BPTF: variants seen among roughly 807,000 people sequenced by gnomAD.
The protein encoded by BPTF is nucleosome-remodeling factor subunit BPTF.
In BPTF, 18 loss-of-function variants were observed where a neutral mutation model predicts 292.5. The ratio of observed to expected loss-of-function variants is 0.06; its 90% CI spans 0.04 to 0.09. The LOEUF is 0.09. BPTF is among the 10% of genes least tolerant of loss of function. The pLI is 1.00. For synonymous variants in BPTF, 1,225 were observed against 1,251.9 expected, an observed-to-expected ratio of 0.98 and a Z score of 0.45; for missense variants, 2,726 against 3,498.7, an observed-to-expected ratio of 0.78 and a Z score of 5.57.
chr17:67,964,238 A>G lies in BPTF; in HGVS notation c.8288A>G (p.Gln2763Arg). The G allele has an allele frequency of 6.2e-7, 1 of 1,612,746 alleles. No individual in the cohort carries two copies. The highest frequency in any genetic ancestry group is 8.5e-7 in the Non-Finnish European group (1 of 1,178,830). Residue 2763 changes from glutamine to arginine, a missense_variant, in exon 25 of 28, where the codon CAG (glutamine) becomes CGG (arginine). Coordinates refer to ENST00000306378, the MANE Select transcript of BPTF (RefSeq NM_182641.4). ...SKFYIGCDRC[Q>R]NWYHGRCVGI... ...TTTTATATTGGCTGTGATCGGTGTC[A>G]GAATTGGTACCATGGGCGCTGCGTT...
chr17:67,954,650 A>G (rs2066749858), intron 23 of BPTF, among the ~76,000 whole-genome samples: 2 of 152,172 alleles, frequency 1.3e-5, no homozygotes, highest in Non-Finnish European at 2.9e-5. Context: ...GTTGTAACTT[A>G]TTTAAGCATG....
intron 26 of BPTF, chr17:67,973,987 G>A (rs1568225218): frequency 6.6e-6 from 1 of 151,940 alleles, no homozygotes; most frequent in Non-Finnish European, 1.5e-5. Flanking sequence ...ATTTTTTAAT[G>A]TCTGACAGAT....
rs1477244788 is a variant in BPTF, at chr17:67,903,727, A to G, written c.2544-62A>G. On this transcript the variant is annotated intron_variant, in intron 7 of 27. Coordinates refer to ENST00000306378, the MANE Select transcript of BPTF (RefSeq NM_182641.4). ...TGTTTTCCTAATTTTTCAGTATTGC[A>G]TTTTTATCTTTTCTGTTTATTTTTC... The G allele has an allele frequency of 2.8e-6, 4 of 1,429,990 alleles. No homozygotes were observed. In the East Asian group the frequency reaches 1.0e-4, roughly 36 times the overall value. The allele number at this position is 1,429,990 out of a possible 1,614,324, so 88.6% of individuals were successfully genotyped here.
intron 1 of BPTF, among the ~76,000 whole-genome samples, chr17:67,848,090 G>A (rs1273690724): frequency 6.6e-6 from 1 of 151,990 alleles, no homozygotes; most frequent in Non-Finnish European, 1.5e-5. Flanking sequence ...AGGGGACAAT[G>A]TTACATTTTT....
intron 4 of BPTF, among the ~76,000 whole-genome samples, chr17:67,877,599 T>C (rs2060127270): frequency 6.6e-6 from 1 of 152,080 alleles, no homozygotes; most frequent in Non-Finnish European, 1.5e-5. Flanking sequence ...TTGGAAAGCA[T>C]TTTGGATGTT....
chr17:67,944,464 G>T (rs2065641337), intron 20 of BPTF, 92 bp downstream of exon 20: 1 of 1,400,402 alleles, frequency 7.1e-7, no homozygotes, highest in South Asian at 1.3e-5. Context: ...ATTTACCTTT[G>T]GAAGGATATG....
At chr17:67,853,507 T>C (rs2058533670) in intron 1 of BPTF, among the ~76,000 whole-genome samples, 1 of 152,224 alleles carries the variant, frequency 6.6e-6, no homozygotes, top group Non-Finnish European at 1.5e-5. Flanking sequence ...CAGTGTGAGA[T>C]CTATTGCCCC....
intron 1 of BPTF, among the ~76,000 whole-genome samples, chr17:67,849,895 C>G (rs1048270663): frequency 6.6e-6 from 1 of 151,858 alleles, no homozygotes; most frequent in Admixed American, 6.6e-5. Flanking sequence ...GAGCTGAGAT[C>G]GTGCCACTGC....
In BPTF at chr17:67,911,471, T is replaced by C. The variant is rs1247829661; in HGVS notation, c.3587T>C (p.Leu1196Pro). Residue 1196 changes from leucine to proline, a missense_variant, in exon 11 of 28, where the codon CTT becomes CCT. This residue lies in a region of BPTF where 713 missense variants were observed against 714.9 expected (regional missense o/e 1.00). Coordinates refer to ENST00000306378, the MANE Select transcript of BPTF (RefSeq NM_182641.4). ...GACATAGAAGAAAAAGTCTCTGACC[T>C]TGCCAGTAGAGGCCAGGAACCCAGT... ...ENDIEEKVSD[L>P]ASRGQEPSKS... The C allele has an allele frequency of 2.5e-6, 4 of 1,613,960 alleles. No homozygotes were observed. The Admixed American group carries it at 6.7e-5, about 27-fold the overall frequency.
intron 4 of BPTF, among the ~76,000 whole-genome samples, chr17:67,882,692 T>A (rs1381136110): frequency 3.9e-5 from 6 of 152,188 alleles, no homozygotes; most frequent in Admixed American, 3.9e-4. Context: ...AGACAAAATA[T>A]CATATTCCAA....
At position 67,891,003 on chromosome 17, in the gene BPTF, G is replaced by A. The variant is rs567423136; in HGVS notation, c.1865-841G>A. ...ATTTTTCCAGCCTGGGCAATATGGC[G>A]AAACCCCATCTCTGCAGAAAATACA... On this transcript the variant is annotated intron_variant, in intron 4 of 27. Coordinates refer to ENST00000306378, the MANE Select transcript of BPTF (RefSeq NM_182641.4). Among the ~76,000 whole-genome samples, 9 of 152,160 alleles carry A rather than the reference G, an allele frequency of 5.9e-5. 1 individual carries two copies. The highest frequency in any genetic ancestry group is 1.3e-4 in the Admixed American group (2 of 15,268).
chr17:67,850,334 T>A (rs1232016730), intron 1 of BPTF, among the ~76,000 whole-genome samples: 1 of 152,186 alleles, frequency 6.6e-6, no homozygotes, highest in African/African-American at 2.4e-5. Flanking sequence ...GGTTTTATAT[T>A]GTAAAACTTA....
Position 67,922,903 on chromosome 17 carries a change from C to T in BPTF, c.5621C>T (p.Thr1874Met), listed in dbSNP as rs148728817. 224 of 1,614,094 alleles carry T rather than the reference C, an allele frequency of 1.4e-4. 1 individual carries two copies. In the African/African-American group the frequency reaches 2.5e-3, roughly 18 times the overall value. ...SSALRPKRPE[T>M]PKQTGPVIIE... ...GCACTGCGGCCAAAGAGACCAGAAA[C>T]GCCCAAGCAAACTGGCCCTGTTATT... Residue 1874 changes from threonine (T) to methionine (M), a missense_variant, in exon 14 of 28, where the codon ACG becomes ATG. Around this residue, in one of 22 missense-constraint regions of BPTF, gnomAD observed 198 missense variants for 277.1 expected, o/e 0.71. Transcript: ENST00000306378.
At chr17:67,886,142 A>C (rs752138287) in intron 4 of BPTF, 19 of 1,575,836 alleles carry the variant, frequency 1.2e-5, no homozygotes, top group Non-Finnish European at 1.6e-5. Flanking sequence ...ACCTAACAAG[A>C]CATGTGAGAG....
At chr17:67,958,531 C>T (rs1414346184) in intron 23 of BPTF, among the ~76,000 whole-genome samples, 11 of 152,162 alleles carry the variant, frequency 7.2e-5, no homozygotes, top group African/African-American at 2.7e-4. Context: ...AGTTCAACAC[C>T]AGCCTAGCCA....
chr17:67,921,247 C>A (rs2063417318), intron 13 of BPTF, among the ~76,000 whole-genome samples: 1 of 148,796 alleles, frequency 6.7e-6, no homozygotes, highest in Admixed American at 6.7e-5. Context: ...AAATACAGGC[C>A]AGGCATGTGG....
At chr17:67,947,944 T>C (rs2065935777) in intron 22 of BPTF, 136 bp downstream of exon 22, 6 of 1,244,304 alleles carry the variant, frequency 4.8e-6, no homozygotes, top group Non-Finnish European at 3.4e-6. Flanking sequence ...TAGTTACTCA[T>C]AACTGGTTTG....
chr17:67,885,998 C>T lies in BPTF; in HGVS notation c.1865-5846C>T, dbSNP rs371238622. ...CCACTTTCTTTTATACATTGCATTACTGATACATGAACAGATTTTCTTTTA... is the reference window on the plus strand; with the variant it reads ...CCACTTTCTTTTATACATTGCATTATTGATACATGAACAGATTTTCTTTTA... On this transcript the variant is annotated intron_variant, in intron 4 of 27. Transcript: ENST00000306378. The T allele has an allele frequency of 1.6e-5, 11 of 702,170 alleles. No individual in the cohort carries two copies. In the African/African-American group the frequency reaches 1.8e-4, roughly 11 times the overall value. 43.5% of individuals were successfully genotyped at this position (702,170 alleles called of 1,614,324 possible). A position where few individuals can be genotyped will look rare whatever the true frequency, so the allele number is the denominator to read the frequency against.
chr17:67,828,217 A>T (rs1358584639), intron 1 of BPTF, among the ~76,000 whole-genome samples: 1 of 152,128 alleles, frequency 6.6e-6, no homozygotes, highest in Non-Finnish European at 1.5e-5. Flanking sequence ...GGTGTGAGCC[A>T]CCGCGCCCAG....
Sources: allele counts gnomAD v4.1 joint callset (sites outside exome capture counted in the v4.1 genomes callset), GRCh38; gene constraint gnomAD v4.1.1; regional missense constraint gnomAD v4.1.1; transcripts MANE v1.5; gene names NCBI Gene and HGNC (gene_info 2026-07-23, HGNC 2026-07-21).